MYO15A: variants seen among roughly 807,000 people sequenced by gnomAD.
MYO15A encodes the protein unconventional myosin-XV.
Under a neutral mutation model 394.6 loss-of-function variants are expected in MYO15A, and 308 were observed. That is an observed-to-expected ratio of 0.78 (90% confidence interval 0.71 to 0.86). The LOEUF is 0.86. Ranked by LOEUF, MYO15A falls within the 40% of genes least tolerant of loss-of-function variation. MYO15A has a pLI of 0.00. For missense variants in MYO15A, 4,606 were observed against 4,799.1 expected, an observed-to-expected ratio of 0.96 and a Z score of 1.19; for synonymous variants, 1,957 against 2,003.8, an observed-to-expected ratio of 0.98 and a Z score of 0.62.
chr17:18,138,988 G>A (rs761132276), intron 18 of MYO15A, 52 bp downstream of exon 18: 3 of 1,586,112 alleles, frequency 1.9e-6, no homozygotes, highest in Admixed American at 1.8e-5. Context: ...GCTGCTAGCT[G>A]TTGGAGACAC....
intron 41 of MYO15A, 32 bp from the exon 42 acceptor site, chr17:18,152,080 G>T: frequency 1.3e-6 from 2 of 1,550,592 alleles, no homozygotes; most frequent in South Asian, 2.4e-5. Context: ...CCTGCCTGTT[G>T]CCCCCTGAGC....
intron 1 of MYO15A, among the ~76,000 whole-genome samples, chr17:18,112,400 T>C (rs1409559516): frequency 6.6e-6 from 1 of 151,966 alleles, no homozygotes; most frequent in Admixed American, 6.6e-5. Flanking sequence ...ATACACTTTT[T>C]TGGGGGGTCG....
intron 56 of MYO15A, 108 bp downstream of exon 56, chr17:18,160,125 C>A: frequency 9.4e-7 from 1 of 1,068,342 alleles, no homozygotes; most frequent in Non-Finnish European, 1.4e-6. Flanking sequence ...GGATTATCTT[C>A]CTCTCACCCT....
rs993096170 is a variant in MYO15A at position 18,120,845 on chromosome 17, C to G, written c.2045C>G (p.Pro682Arg). 8 of 1,191,336 alleles carry G rather than the reference C, an allele frequency of 6.7e-6. No individual in the cohort carries two copies. The highest frequency in any genetic ancestry group is 7.3e-6 in the Non-Finnish European group (7 of 960,048). The allele number at this position is 1,191,336 out of a possible 1,614,324, so 73.8% of individuals were successfully genotyped here. A position where few individuals can be genotyped will look rare whatever the true frequency, so the allele number is the denominator to read the frequency against. Residue 682 changes from proline (P) to arginine (R), a missense_variant, in exon 2 of 66, where the codon CCG becomes CGG. This residue lies in a region of MYO15A where 1,830 missense variants were observed against 1,689.7 expected (regional missense o/e 1.08). Transcript: ENST00000647165. The stretch of plus-strand genomic sequence containing the variant: ...CCCCCGCCCGCGCCGCCGCTCTCCC[C>G]GGCGCTCTCGGGCCTGCCCCGGCCG... Reference protein sequence around the residue: ...SGPPPAPPLSPALSGLPRPAS... With the variant: ...SGPPPAPPLSRALSGLPRPAS...
In MYO15A at chr17:18,157,749, G is replaced by A. The variant is rs377389290; in HGVS notation, c.8816G>A (p.Arg2939His). 148 of 1,606,240 alleles carry A rather than the reference G, an allele frequency of 9.2e-5. No individual in the cohort carries two copies. The highest frequency in any genetic ancestry group is 8.8e-5 in the South Asian group (8 of 91,088). The change falls in exon 51 of 66, where the codon CGC (arginine) becomes CAC (histidine). Residue 2939 changes from arginine to histidine, a missense_variant. By Grantham distance (29) the Arg-to-His change is conservative (BLOSUM62 0). Coordinates refer to ENST00000647165, the MANE Select transcript of MYO15A (RefSeq NM_016239.4). ...FGWRFGTIHG[R>H]VGRFPSELVQ... is the part of the protein sequence containing the mutation. ...TGGAGGTTCGGGACCATCCACGGGCGCGTGGGCCGCTTCCCTTCGGAGCTG... is the reference window on the plus strand; with the variant it reads ...TGGAGGTTCGGGACCATCCACGGGCACGTGGGCCGCTTCCCTTCGGAGCTG...
intron 65 of MYO15A, 122 bp downstream of exon 65, chr17:18,174,043 A>G: frequency 7.3e-7 from 1 of 1,364,678 alleles, no homozygotes; most frequent in African/African-American, 1.4e-5. Context: ...GGACAGAACC[A>G]ACCACAGCAC....
chr17:18,124,956 G>C (rs1236118420), intron 3 of MYO15A: 1 of 618,536 alleles, frequency 1.6e-6, no homozygotes, highest in African/African-American at 1.8e-5. Context: ...CCCCAATGAA[G>C]TAGGTACAAT....
chr17:18,120,495 G>A lies in MYO15A; in HGVS notation c.1695G>A (p.Val565=), dbSNP rs879125307. The change falls in exon 2 of 66, where the codon GTG becomes GTA. Residue 565 remains valine (V), a synonymous_variant. Transcript: ENST00000647165. ...TCGGCCCTGAGTTTGGCCGCCCCGT[G>A]CCTCGCCCTGCCACCTCGCTTGCGC... The part of the protein sequence containing the change: ...LGFGPEFGRP[V]PRPATSLARF... 1.9e-6 allele frequency: 3 copies of A among 1,574,538 alleles called. No individual in the cohort carries two copies. Among genetic ancestry groups the A allele is most frequent in the South Asian group, 2.3e-5 (2 of 88,012 alleles).
chr17:18,134,995 C>T (rs532725263), intron 12 of MYO15A, among the ~76,000 whole-genome samples: 1 of 152,232 alleles, frequency 6.6e-6, no homozygotes, highest in Admixed American at 6.5e-5. Flanking sequence ...ATCCTCCTGC[C>T]TCAGCTCCTG....
Position 18,121,608 on chromosome 17 carries a change from C to T in MYO15A, c.2808C>T (p.Thr936=). The change falls in exon 2 of 66, where the codon ACC becomes ACT. Residue 936 remains threonine, a synonymous_variant. Coordinates refer to ENST00000647165, the MANE Select transcript of MYO15A (RefSeq NM_016239.4). The surrounding 1 kb of genome is among the most constrained non-coding windows in gnomAD (Gnocchi z 5.3). ...APSWDVDMPP[T]QRPPSPWPGG... ...GCTGGGACGTGGACATGCCTCCCAC[C>T]CAACGCCCACCCTCCCCCTGGCCAG... 1 of 1,597,388 alleles carries T rather than the reference C, an allele frequency of 6.3e-7. No individual in the cohort carries two copies. The highest frequency in any genetic ancestry group is 8.5e-7 in the Non-Finnish European group (1 of 1,170,820).
At chr17:18,146,135 C>T in intron 30 of MYO15A, 28 bp downstream of exon 30, 1 of 1,607,662 alleles carries the variant, frequency 6.2e-7, no homozygotes, top group Non-Finnish European at 8.5e-7. Context: ...GGGGCTGGGA[C>T]ACGAGGGACG....
At position 18,147,911 on chromosome 17, in the gene MYO15A, G is replaced by C; in HGVS notation, c.6510-118G>C. The C allele has an allele frequency of 7.7e-7, 1 of 1,300,462 alleles. No homozygotes were observed. The highest frequency in any genetic ancestry group is 1.2e-5 in the South Asian group (1 of 82,038). The allele number at this position is 1,300,462 out of a possible 1,614,324, so 80.6% of individuals were successfully genotyped here. On this transcript the variant is annotated intron_variant, in intron 30 of 65. Transcript: ENST00000647165. The surrounding 1 kb of genome is among the most constrained non-coding windows in gnomAD (Gnocchi z 4.4). The stretch of plus-strand genomic sequence containing the variant: ...CTTTTTAGCCTCACCTTGGAGCTCT[G>C]GAGTAGCCTGGGCCTTTCTCAGACT...
intron 10 of MYO15A, 121 bp downstream of exon 10, chr17:18,131,652 A>T: frequency 8.6e-7 from 1 of 1,161,770 alleles, no homozygotes; most frequent in Non-Finnish European, 1.3e-6. Flanking sequence ...ATACATGCGT[A>T]CATGTGTACA....
chr17:18,151,362 T>C, intron 39 of MYO15A, 33 bp from the exon 40 acceptor site: 1 of 1,614,166 alleles, frequency 6.2e-7, no homozygotes, highest in South Asian at 1.1e-5. Context: ...CCTTGTGGCC[T>C]CACCCTGTTC....
In MYO15A at chr17:18,122,203, C is replaced by G. The variant is rs2045952185; in HGVS notation, c.3403C>G (p.Leu1135Val). Residue 1135 changes from leucine (L) to valine (V), a missense_variant, in exon 2 of 66, where the codon CTG becomes GTG. Leu to Val is a conservative substitution (Grantham distance 32). Coordinates refer to ENST00000647165, the MANE Select transcript of MYO15A (RefSeq NM_016239.4). ...SSFQRVGPATLKPQVQPIQDP... is the reference protein window; with the variant it reads ...SSFQRVGPATVKPQVQPIQDP... The stretch of plus-strand genomic sequence containing the variant: ...TTTCCAGCGAGTTGGGCCTGCAACC[C>G]TGAAGCCTCAAGTCCAGCCCATTCA... 1 of 1,613,064 alleles carries G rather than the reference C, an allele frequency of 6.2e-7. No individual in the cohort carries two copies. The highest frequency in any genetic ancestry group is 1.7e-5 in the Admixed American group (1 of 60,010).
chr17:18,158,172 C>T lies in MYO15A; in HGVS notation c.8967+272C>T, dbSNP rs1360165505. 8 of 594,626 alleles carry T rather than the reference C, an allele frequency of 1.3e-5. No homozygotes were observed. The East Asian group carries it at 1.7e-4, about 13-fold the overall frequency. The allele number at this position is 594,626 out of a possible 1,614,324, so 36.8% of individuals were successfully genotyped here. A position where few individuals can be genotyped will look rare whatever the true frequency, so the allele number is the denominator to read the frequency against. On this transcript the variant is annotated intron_variant, in intron 51 of 65. Coordinates refer to ENST00000647165, the MANE Select transcript of MYO15A (RefSeq NM_016239.4). ...AATCAGGACAATGGGGTCAGACCAG[C>T]CGGGGCCCGCCAGTTGGTGAAGTCT...
In MYO15A at chr17:18,154,701, G is replaced by C. The variant is rs142465521; in HGVS notation, c.8170G>C (p.Glu2724Gln). The C allele has an allele frequency of 1.9e-6, 3 of 1,613,656 alleles. No individual in the cohort carries two copies. Among genetic ancestry groups the C allele is most frequent in the East Asian group, 2.2e-5 (1 of 44,876 alleles). Residue 2724 changes from glutamate to glutamine, a missense_variant, in exon 45 of 66, where the codon GAG (glutamate) becomes CAG (glutamine). Coordinates refer to ENST00000647165, the MANE Select transcript of MYO15A (RefSeq NM_016239.4). Reference sequence around the variant, plus strand: ...ACAGATCCTGCACGACACGCTCTCCGAGGCCTGCCTTCGCATCTCTGAGGA... The same window carrying C: ...ACAGATCCTGCACGACACGCTCTCCCAGGCCTGCCTTCGCATCTCTGAGGA... ...FRQILHDTLS[E>Q]ACLRISEDER...
rs1157425865 is a variant in MYO15A, at chr17:18,126,436, G to A, written c.3846G>A (p.Arg1282=). The change falls in exon 5 of 66, where the codon CGG becomes CGA. Residue 1282 remains arginine (R), a synonymous_variant. Coordinates refer to ENST00000647165, the MANE Select transcript of MYO15A (RefSeq NM_016239.4). ...GPEQVQQYNG[R]ALGENPPHLF... ...AGCAGGTGCAGCAGTACAACGGACG[G>A]GCCCTGGGAGAGAATCCCCCGTGAG... The A allele has an allele frequency of 6.2e-7, 1 of 1,613,910 alleles. No individual in the cohort carries two copies.
At chr17:18,163,348 C>A (rs746311884) in intron 59 of MYO15A, 27 bp downstream of exon 59, 2 of 1,608,948 alleles carry the variant, frequency 1.2e-6, no homozygotes, top group Admixed American at 3.3e-5. Context: ...CTCCTGCAGC[C>A]AGGTACTGGA....
Sources: allele counts gnomAD v4.1 joint callset (sites outside exome capture counted in the v4.1 genomes callset), GRCh38; gene constraint gnomAD v4.1.1; regional missense constraint gnomAD v4.1.1; non-coding constraint Gnocchi (gnomAD v3.1); transcripts MANE v1.5; gene names NCBI Gene and HGNC (gene_info 2026-07-23, HGNC 2026-07-21).